The following TOP6BL variants were observed in gnomAD, a reference collection of about 807,000 sequenced individuals.
TOP6BL encodes TOP6B like initiator of meiotic double strand breaks, also known as type 2 DNA topoisomerase 6 subunit B-like.
the TOP6BL span, among the ~76,000 whole-genome samples, chr11:66,830,802 GC>G: frequency 6.6e-6 from 1 of 152,106 alleles, no homozygotes; most frequent in Non-Finnish European, 1.5e-5. Context: ...AAGATACGAA[GC>G]CCACTCAAGA....
chr11:66,779,402 C>T, the TOP6BL span, among the ~76,000 whole-genome samples: 43 of 152,162 alleles, frequency 2.8e-4, no homozygotes, highest in Non-Finnish European at 5.3e-4. Flanking sequence ...AAAAAAAACA[C>T]GTGAAAAAAT....
the TOP6BL span, among the ~76,000 whole-genome samples, chr11:66,793,107 A>G: frequency 6.9e-6 from 1 of 144,776 alleles, no homozygotes; most frequent in Non-Finnish European, 1.5e-5. Context: ...TTTTTTTTTG[A>G]GATGGAGTCT....
the TOP6BL span, among the ~76,000 whole-genome samples, chr11:66,765,567 G>A: frequency 6.6e-6 from 1 of 152,184 alleles, no homozygotes; most frequent in Non-Finnish European, 1.5e-5. Flanking sequence ...CCAGGCTGGA[G>A]TGCAGTGGCG....
chr11:66,775,135 A>AG, the TOP6BL span, among the ~76,000 whole-genome samples: 24 of 150,096 alleles, frequency 1.6e-4, no homozygotes, highest in African/African-American at 5.3e-4. Context: ...AAAAAAAAAA[A>AG]GCTCCACAAA....
At chr11:66,794,857 G>T in the TOP6BL span, among the ~76,000 whole-genome samples, 2 of 152,282 alleles carry the variant, frequency 1.3e-5, no homozygotes, top group Admixed American at 1.3e-4. Flanking sequence ...AAGGGGCCAG[G>T]CGCAGTGGCT....
the TOP6BL span, chr11:66,842,897 G>T: frequency 6.4e-7 from 1 of 1,574,274 alleles, no homozygotes; most frequent in East Asian, 2.4e-5. Flanking sequence ...GGCAGCCCCC[G>T]CATAGAGGAG....
At chr11:66,794,189 T>G in the TOP6BL span, among the ~76,000 whole-genome samples, 1 of 151,890 alleles carries the variant, frequency 6.6e-6, no homozygotes, top group African/African-American at 2.4e-5. Context: ...TGTTTCTTCT[T>G]TTTGTATTAT....
At chr11:66,754,991 C>T in the TOP6BL span, among the ~76,000 whole-genome samples, 1 of 152,258 alleles carries the variant, frequency 6.6e-6, no homozygotes, top group East Asian at 1.9e-4. Flanking sequence ...CTGATACTGC[C>T]ATGCCTGAGT....
the TOP6BL span, among the ~76,000 whole-genome samples, chr11:66,774,804 T>C: frequency 6.6e-6 from 1 of 151,356 alleles, no homozygotes; most frequent in Admixed American, 6.6e-5. Flanking sequence ...TACTCTTGGC[T>C]ATGAGTTTTA....
the TOP6BL span, chr11:66,800,896 AT>A: frequency 1.9e-6 from 2 of 1,056,588 alleles, no homozygotes; most frequent in Non-Finnish European, 2.8e-6. Context: ...AAAGATTGCC[AT>A]TTTCCCCTTG....
At chr11:66,801,153 A>T in the TOP6BL span, 2 of 1,555,948 alleles carry the variant, frequency 1.3e-6, no homozygotes, top group African/African-American at 1.4e-5. Flanking sequence ...TCTCCTCTCG[A>T]GTACGAATGT....
the TOP6BL span, among the ~76,000 whole-genome samples, chr11:66,830,243 TAAAA>T: frequency 1.3e-5 from 2 of 152,124 alleles, no homozygotes; most frequent in Non-Finnish European, 2.9e-5. Context: ...GCAAAATCAA[TAAAA>T]GAAAGCTATC....
At chr11:66,801,091 G>A in the TOP6BL span, 3 of 1,613,526 alleles carry the variant, frequency 1.9e-6, no homozygotes, top group Non-Finnish European at 2.5e-6. Context: ...TCGACTCCCA[G>A]CATTATGTGA....
chr11:66,824,268 G>A, the TOP6BL span, among the ~76,000 whole-genome samples: 5 of 151,520 alleles, frequency 3.3e-5, no homozygotes, highest in African/African-American at 7.3e-5. Flanking sequence ...TTTTTGAGTC[G>A]GAGTTTCGCT....
chr11:66,755,578 G>A, the TOP6BL span, among the ~76,000 whole-genome samples: 8 of 152,200 alleles, frequency 5.3e-5, no homozygotes, highest in Non-Finnish European at 8.8e-5. Context: ...ACCTGGAAGT[G>A]TGCAGTGGTA....
the TOP6BL span, among the ~76,000 whole-genome samples, chr11:66,796,798 A>G: frequency 6.6e-6 from 1 of 151,450 alleles, no homozygotes; most frequent in East Asian, 1.9e-4. Context: ...AAAAAAAAAA[A>G]AAAAGACAAC....
the TOP6BL span, among the ~76,000 whole-genome samples, chr11:66,808,303 G>A: frequency 7.2e-5 from 11 of 152,202 alleles, no homozygotes; most frequent in Admixed American, 7.2e-4. Flanking sequence ...GGGAGGCTGA[G>A]GCAGGAGGAT....
At chr11:66,755,419 C>T in the TOP6BL span, among the ~76,000 whole-genome samples, 1 of 152,182 alleles carries the variant, frequency 6.6e-6, no homozygotes, top group Non-Finnish European at 1.5e-5. Flanking sequence ...CTGTGCCTAG[C>T]CTGTAGTGTC....
At chr11:66,762,000 C>A in the TOP6BL span, 3 of 1,566,062 alleles carry the variant, frequency 1.9e-6, no homozygotes, top group African/African-American at 4.1e-5. Flanking sequence ...TGGTGGGATG[C>A]TGTTGTTAAT....
Sources: allele counts gnomAD v4.1 joint callset (sites outside exome capture counted in the v4.1 genomes callset), GRCh38; gene constraint gnomAD v4.1.1; transcripts MANE v1.5; gene names NCBI Gene and HGNC (gene_info 2026-07-23, HGNC 2026-07-21).